Variants in LAMA3 observed in about 807,000 individuals in gnomAD.
LAMA3 encodes the protein laminin subunit alpha 3.
Under a neutral mutation model 402.0 loss-of-function variants are expected in LAMA3, and 281 were observed. That is an observed-to-expected ratio of 0.70 (90% confidence interval 0.63 to 0.77). The LOEUF is 0.77. Ranked by LOEUF, LAMA3 falls within the 30% of genes least tolerant of loss-of-function variation. The pLI, the probability that LAMA3 is intolerant of heterozygous loss-of-function variation, is 0.00. For missense variants in LAMA3, 3,840 were observed against 4,215.5 expected, an observed-to-expected ratio of 0.91 and a Z score of 2.47; for synonymous variants, 1,431 against 1,558.4, an observed-to-expected ratio of 0.92 and a Z score of 1.93.
intron 42 of LAMA3, among the ~76,000 whole-genome samples, chr18:23,890,583 T>A (rs1297651436): frequency 1.3e-5 from 2 of 152,108 alleles, no homozygotes; most frequent in Non-Finnish European, 2.9e-5. Context: ...AAGAAAAAGA[T>A]AATTAGCAGA....
intron 19 of LAMA3, 142 bp downstream of exon 19, chr18:23,820,139 G>T: frequency 1.2e-6 from 1 of 861,644 alleles, no homozygotes. Context: ...GTTGGCATTG[G>T]AGTTTAGGTT....
chr18:23,783,996 C>T lies in LAMA3; in HGVS notation c.1469-27C>T, dbSNP rs758913025. 4.2e-5 allele frequency: 68 copies of T among 1,613,974 alleles called. 1 individual carries two copies. In the South Asian group the frequency reaches 6.6e-4, roughly 16 times the overall value. Reference sequence around the variant, plus strand: ...AGAAAGTGATGGAAGATGGAGACCCCTTCTGAAAGTTTCCTGTCTTCTGCA... The same window carrying T: ...AGAAAGTGATGGAAGATGGAGACCCTTTCTGAAAGTTTCCTGTCTTCTGCA... On this transcript the variant is annotated intron_variant, in intron 11 of 74. Transcript: ENST00000313654.
chr18:23,891,289 G>A (rs568149700), intron 42 of LAMA3, among the ~76,000 whole-genome samples: 10 of 152,224 alleles, frequency 6.6e-5, no homozygotes, highest in Non-Finnish European at 1.3e-4. Flanking sequence ...ACAATGGTTT[G>A]TGACAAGAGT....
chr18:23,857,248 G>T (rs147530995), intron 32 of LAMA3, among the ~76,000 whole-genome samples: 65 of 152,288 alleles, frequency 4.3e-4, no homozygotes, highest in African/African-American at 1.5e-3. Context: ...CTGTGCTGCC[G>T]TGTCCAGCCC....
At chr18:23,904,220 C>A in intron 50 of LAMA3, 133 bp downstream of exon 50, 2 of 987,658 alleles carry the variant, frequency 2.0e-6, no homozygotes, top group Non-Finnish European at 1.6e-6. Context: ...GGGGTCAAGG[C>A]CAATGCCCCA....
At chr18:23,694,314 T>C (rs116455559) in intron 1 of LAMA3, among the ~76,000 whole-genome samples, 221 of 152,294 alleles carry the variant, frequency 1.5e-3, no homozygotes, top group African/African-American at 5.0e-3. Context: ...TTGCACCATA[T>C]ACTGTGCATA....
At chr18:23,806,900 GT>G (rs1358321733) in intron 12 of LAMA3, among the ~76,000 whole-genome samples, 1 of 152,122 alleles carries the variant, frequency 6.6e-6, no homozygotes. Flanking sequence ...TTCCCACTTT[GT>G]CCAGCCCAAT....
chr18:23,695,343 T>G (rs2060664070), intron 1 of LAMA3, among the ~76,000 whole-genome samples: 1 of 152,204 alleles, frequency 6.6e-6, no homozygotes, highest in Non-Finnish European at 1.5e-5. Flanking sequence ...GTATTGACCA[T>G]TCAGTGTATG....
chr18:23,748,537 G>T (rs992559750), intron 3 of LAMA3, among the ~76,000 whole-genome samples: 1 of 151,334 alleles, frequency 6.6e-6, no homozygotes, highest in Non-Finnish European at 1.5e-5. Context: ...GCTTATGCCT[G>T]TAATCCCAGC....
intron 2 of LAMA3, among the ~76,000 whole-genome samples, chr18:23,731,215 C>T (rs145211932): frequency 7.5e-4 from 114 of 152,256 alleles, no homozygotes; most frequent in Non-Finnish European, 1.2e-3. Flanking sequence ...TTCTTTTGCT[C>T]TTAAATGTTT....
intron 46 of LAMA3, 28 bp downstream of exon 46, chr18:23,899,093 A>AT (rs752120307): frequency 4.3e-5 from 67 of 1,565,484 alleles, no homozygotes; most frequent in East Asian, 2.7e-4. Context: ...GCCCAATTAC[A>AT]TTTTTTTTGG....
intron 1 of LAMA3, among the ~76,000 whole-genome samples, chr18:23,705,663 GCATGCCAC>G (rs939860244): frequency 6.6e-6 from 1 of 151,938 alleles, no homozygotes; most frequent in Non-Finnish European, 1.5e-5. Flanking sequence ...TAGCTGGGAT[GCATGCCAC>G]CATGCCCAGC....
At chr18:23,836,410 G>A (rs1276987016) in intron 24 of LAMA3, among the ~76,000 whole-genome samples, 1 of 152,192 alleles carries the variant, frequency 6.6e-6, no homozygotes, top group African/African-American at 2.4e-5. Flanking sequence ...TTTAACGTTA[G>A]AGTTATTTGG....
chr18:23,941,326 GCC>G lies in LAMA3; in HGVS notation c.9026+1949_9026+1950del, dbSNP rs202068459. 5.1e-3 allele frequency among the ~76,000 whole-genome samples: 206 copies of G among 40,064 alleles called. 8 individuals carry two copies. Among genetic ancestry groups the G allele is most frequent in the Non-Finnish European group, 6.2e-3 (111 of 17,952 alleles). 26.3% of individuals were successfully genotyped at this position (40,064 alleles called of 152,430 possible). A position where few individuals can be genotyped will look rare whatever the true frequency, so the allele number is the denominator to read the frequency against. ...CTTGTGGCCTCTCCATCAGCTTGGC[GCC>G]CCCCCCCCGCCCGGCAGCTTCTCTC... is the stretch of plus-strand genomic sequence containing the variant. On this transcript the variant is annotated intron_variant, in intron 68 of 74. Coordinates refer to ENST00000313654, the MANE Select transcript of LAMA3 (RefSeq NM_198129.4).
intron 27 of LAMA3, among the ~76,000 whole-genome samples, chr18:23,840,803 T>C (rs1174547815): frequency 6.6e-6 from 1 of 152,214 alleles, no homozygotes; most frequent in African/African-American, 2.4e-5. Flanking sequence ...CAAGGTTTAG[T>C]ATCCCTTATC....
chr18:23,904,327 C>T (rs2081170260), intron 50 of LAMA3, among the ~76,000 whole-genome samples: 1 of 152,020 alleles, frequency 6.6e-6, no homozygotes, highest in Non-Finnish European at 1.5e-5. Flanking sequence ...TATCCACTTA[C>T]CAAATGAAAT....
chr18:23,689,946 C>A lies in LAMA3; in HGVS notation c.263C>A (p.Pro88His), dbSNP rs921024758. ...CTCTACTGCAAGTTGGTCGGGGGCC[C>A]CACCGCCCCAGGCAGCGGCCACACC... ...PELYCKLVGG[P>H]TAPGSGHTIQ... is the part of the protein sequence containing the mutation. The change falls in exon 1 of 75, where the codon CCC becomes CAC. Residue 88 changes from proline to histidine, a missense_variant. Physicochemically the swap from Pro to His is moderately conservative, Grantham distance 77. Around this residue, in one of 3 missense-constraint regions of LAMA3, gnomAD observed 2,109 missense variants for 2,376.0 expected, o/e 0.89. Transcript: ENST00000313654. 3 of 1,521,576 alleles carry A rather than the reference C, an allele frequency of 2.0e-6. No individual in the cohort carries two copies. Among genetic ancestry groups the A allele is most frequent in the Admixed American group, 4.1e-5 (2 of 48,970 alleles). 94.3% of individuals were successfully genotyped at this position (1,521,576 alleles called of 1,614,324 possible). A position where few individuals can be genotyped will look rare whatever the true frequency, so the allele number is the denominator to read the frequency against.
intron 41 of LAMA3, 76 bp downstream of exon 41, chr18:23,884,929 CACAG>C: frequency 8.9e-7 from 1 of 1,129,824 alleles, no homozygotes; most frequent in Non-Finnish European, 1.3e-6. Flanking sequence ...CAGGTGCTGG[CACAG>C]AGCTAGGGGT....
chr18:23,814,557 C>A, intron 15 of LAMA3, 55 bp downstream of exon 15: 1 of 1,152,902 alleles, frequency 8.7e-7, no homozygotes, highest in Non-Finnish European at 1.3e-6. Flanking sequence ...TTAATTTTCT[C>A]TGCCTCAGTG....
Sources: allele counts gnomAD v4.1 joint callset (sites outside exome capture counted in the v4.1 genomes callset), GRCh38; gene constraint gnomAD v4.1.1; regional missense constraint gnomAD v4.1.1; transcripts MANE v1.5; gene names NCBI Gene and HGNC (gene_info 2026-07-23, HGNC 2026-07-21).